TACC2: variants seen among roughly 807,000 people sequenced by gnomAD.
TACC2 encodes transforming acidic coiled-coil containing protein 2, also known as transforming acidic coiled-coil-containing protein 2.
TACC2 carries 137 observed loss-of-function variants against 227.3 expected under a neutral mutation model. The observed-to-expected ratio is 0.60, with a 90% CI of 0.52 to 0.69. The LOEUF (loss-of-function observed/expected upper bound fraction) is 0.69. TACC2 is among the 30% of genes least tolerant of loss of function. The pLI is 0.00. For missense variants in TACC2, 3,470 were observed against 3,694.4 expected, an observed-to-expected ratio of 0.94 and a Z score of 1.57; for synonymous variants, 1,523 against 1,487.5, an observed-to-expected ratio of 1.02 and a Z score of -0.55.
intron 2 of TACC2, among the ~76,000 whole-genome samples, chr10:122,043,475 TTTTC>T (rs2074559083): frequency 6.6e-6 from 1 of 150,688 alleles, no homozygotes; most frequent in South Asian, 2.1e-4. Flanking sequence ...CTTTCTTTCT[TTTTC>T]TCTTTCTTTT....
At chr10:122,201,655 A>G (rs2094857625) in intron 8 of TACC2, among the ~76,000 whole-genome samples, 1 of 152,212 alleles carries the variant, frequency 6.6e-6, no homozygotes, top group African/African-American at 2.4e-5. Context: ...ACATCCACAC[A>G]GGCACAGTGG....
At chr10:122,219,264 C>G (rs1466062383) in intron 11 of TACC2, among the ~76,000 whole-genome samples, 1 of 151,022 alleles carries the variant, frequency 6.6e-6, no homozygotes, top group African/African-American at 2.4e-5. Flanking sequence ...CACACCCTTT[C>G]CTTAGTGCTA....
At chr10:122,196,990 G>T (rs986883281) in intron 8 of TACC2, among the ~76,000 whole-genome samples, 3 of 151,064 alleles carry the variant, frequency 2.0e-5, no homozygotes, top group African/African-American at 7.3e-5. Context: ...GCCGGGCATG[G>T]TGGCTCACGC....
rs1369893512 is a variant in TACC2, at chr10:122,088,467, T to A, written c.5460-11T>A. On this transcript the variant is annotated splice_polypyrimidine_tract_variant and intron_variant, in intron 4 of 22. Transcript: ENST00000369005. Reference sequence around the variant, plus strand: ...CATTATCCTATTAATTGCTTTCTTTTATTATCCCAGAGAGAGCCCCAGGCC... The same window carrying A: ...CATTATCCTATTAATTGCTTTCTTTAATTATCCCAGAGAGAGCCCCAGGCC... The A allele has an allele frequency of 1.9e-6, 3 of 1,603,650 alleles. No individual in the cohort carries two copies. Among genetic ancestry groups the A allele is most frequent in the African/African-American group, 2.7e-5 (2 of 74,638 alleles).
Position 122,085,528 on chromosome 10 carries a change from G to GCC in TACC2, c.3029_3030insCC (p.Cys1011HisfsTer21), listed in dbSNP as rs1287880074. On this transcript the variant is annotated frameshift_variant, in exon 4 of 23. Coordinates refer to ENST00000369005, the MANE Select transcript of TACC2 (RefSeq NM_206862.4). LOFTEE classifies it high-confidence loss of function. ...GGAAGAAGGCAGCCAGCATGAAGAA[G>GCC]CATGTCAAAGGCATCCAGGAGCTTC... 6 of 1,613,320 alleles carry GCC rather than the reference G, an allele frequency of 3.7e-6. No homozygotes were observed. The Admixed American group carries it at 1.0e-4, about 27-fold the overall frequency.
chr10:122,119,951 AG>A (rs1410211782), intron 5 of TACC2, among the ~76,000 whole-genome samples: 1 of 151,616 alleles, frequency 6.6e-6, no homozygotes. Flanking sequence ...AAAGAAAAAA[AG>A]GAAGAACATT....
chr10:122,133,390 C>T (rs1176901910), intron 6 of TACC2, among the ~76,000 whole-genome samples: 1 of 152,160 alleles, frequency 6.6e-6, no homozygotes, highest in African/African-American at 2.4e-5. Context: ...TTAACCCGGG[C>T]TTTCCCAGAA....
At chr10:122,169,385 C>G (rs531963474) in intron 7 of TACC2, among the ~76,000 whole-genome samples, 1 of 152,286 alleles carries the variant, frequency 6.6e-6, no homozygotes, top group East Asian at 1.9e-4. Context: ...ACTGAGTCCT[C>G]TGGATGGTTT....
Position 122,084,399 on chromosome 10 carries a change from A to G in TACC2, c.1899A>G (p.Ala633=). ...GAGACCATCCCAGCTCACACTCAGCACAGCCACCCAGAAAGGGGGGTGCTG... is the reference window on the plus strand; with the variant it reads ...GAGACCATCCCAGCTCACACTCAGCGCAGCCACCCAGAAAGGGGGGTGCTG... ...ESRDHPSSHS[A]QPPRKGGAGH... Residue 633 remains alanine, a synonymous_variant, in exon 4 of 23, where the codon GCA becomes GCG. Coordinates refer to ENST00000369005, the MANE Select transcript of TACC2 (RefSeq NM_206862.4). The G allele has an allele frequency of 6.2e-7, 1 of 1,613,194 alleles. No homozygotes were observed. Among genetic ancestry groups the G allele is most frequent in the Non-Finnish European group, 8.5e-7 (1 of 1,180,026 alleles).
At chr10:122,203,296 A>T (rs2094945785) in intron 8 of TACC2, among the ~76,000 whole-genome samples, 2 of 129,620 alleles carry the variant, frequency 1.5e-5, no homozygotes, top group African/African-American at 3.9e-5. Context: ...GGGGCTCCTC[A>T]CTTCCCAGTA....
intron 18 of TACC2, among the ~76,000 whole-genome samples, chr10:122,239,353 A>T (rs143536830): frequency 6.6e-6 from 1 of 152,326 alleles, no homozygotes; most frequent in African/African-American, 2.4e-5. Flanking sequence ...CCTGGCTACC[A>T]TTTTAAGCAG....
chr10:122,084,296 C>T lies in TACC2; in HGVS notation c.1796C>T (p.Ser599Phe). The change falls in exon 4 of 23, where the codon TCT becomes TTT. Residue 599 changes from serine (S) to phenylalanine (F), a missense_variant. This residue lies in a region of TACC2 where 1,924 missense variants were observed against 1,978.3 expected (regional missense o/e 0.97). Transcript: ENST00000369005. ...GDPGNLQGED[S>F]QAFSSKRDPE... is the part of the protein sequence containing the mutation. ...CCAGGGAACCTGCAAGGAGAGGACT[C>T]TCAGGCTTTCAGCAGCAAGCGTGAT... 1 of 1,613,958 alleles carries T rather than the reference C, an allele frequency of 6.2e-7. No homozygotes were observed. The highest frequency in any genetic ancestry group is 1.1e-5 in the South Asian group (1 of 91,086).
At chr10:122,070,277 C>A (rs368003815) in intron 3 of TACC2, among the ~76,000 whole-genome samples, 1 of 152,100 alleles carries the variant, frequency 6.6e-6, no homozygotes, top group Non-Finnish European at 1.5e-5. Context: ...TTTACTGTGG[C>A]AGGAAAATGA....
chr10:122,208,847 C>T (rs555314839), intron 8 of TACC2, among the ~76,000 whole-genome samples: 1 of 152,332 alleles, frequency 6.6e-6, no homozygotes, highest in African/African-American at 2.4e-5. Flanking sequence ...GTACTTAGGC[C>T]TGCAGACCGC....
At chr10:122,170,287 T>TTTTTA (rs2093405669) in intron 7 of TACC2, among the ~76,000 whole-genome samples, 1 of 146,038 alleles carries the variant, frequency 6.8e-6, no homozygotes, top group African/African-American at 2.6e-5. Context: ...TTTTTTTTTT[T>TTTTTA]GAGGTGGAGT....
chr10:122,122,341 A>G (rs7073009), intron 5 of TACC2, among the ~76,000 whole-genome samples: 101,261 of 151,692 alleles, frequency 0.67, 37,410 homozygotes, highest in South Asian at 0.82. Context: ...GGCGACAAGA[A>G]TGAAACTCCG....
At chr10:122,090,135 A>G (rs1297327565) in intron 5 of TACC2, among the ~76,000 whole-genome samples, 2 of 151,804 alleles carry the variant, frequency 1.3e-5, no homozygotes, top group Non-Finnish European at 2.9e-5. Flanking sequence ...GATGTATAGT[A>G]GTACAATAAA....
At chr10:122,073,128 T>A (rs2461228) in intron 3 of TACC2, among the ~76,000 whole-genome samples, 25,634 of 50,818 alleles carry the variant, frequency 0.5, 5,788 homozygotes, top group Non-Finnish European at 0.55. Flanking sequence ...AAAAAAAAAA[T>A]ATATATATAT....
intron 12 of TACC2, 26 bp downstream of exon 12, chr10:122,224,813 T>C (rs1474808649): frequency 1.6e-5 from 26 of 1,603,000 alleles, no homozygotes; most frequent in Non-Finnish European, 2.1e-5. Flanking sequence ...TCGGGCCACT[T>C]AGGGGACTCG....
Sources: gnomAD v4.1 joint callset for allele counts (sites outside exome capture counted in the v4.1 genomes callset) on GRCh38, gnomAD v4.1.1 for gene constraint, gnomAD v4.1.1 regional missense constraint, MANE v1.5 for transcripts, NCBI Gene and HGNC (gene_info 2026-07-23, HGNC 2026-07-21) for gene names.